Variants in IL7 observed in about 807,000 individuals in gnomAD.
The protein encoded by IL7 is interleukin-7.
Under a neutral mutation model 21.6 loss-of-function variants are expected in IL7, and 3 were observed. The observed-to-expected ratio is 0.14, with a 90% CI of 0.06 to 0.36. The LOEUF (loss-of-function observed/expected upper bound fraction) is 0.36. IL7 is among the 10% of genes least tolerant of loss of function. The pLI is 1.00. For synonymous variants in IL7, 62 were observed against 68.1 expected (o/e 0.91, Z 0.44); for missense variants, 175 against 200.2 (o/e 0.87, Z 0.76).
At chr8:78,715,435 A>AT (rs565716971), downstream of IL7, 329 of 1,047,508 alleles carry the variant, frequency 3.1e-4, no homozygotes, top group Non-Finnish European at 4.0e-4. Flanking sequence ...AGAAAACCTG[A>AT]TTTTTTTCTT....
At chr8:78,680,818 T>C (rs1055404010) in intron 4 of IL7, among the ~76,000 whole-genome samples, 13 of 152,188 alleles carry the variant, frequency 8.5e-5, no homozygotes, top group African/African-American at 3.1e-4. Context: ...AAGTGATTCC[T>C]TAAAGGTGAG....
intron 3 of IL7, among the ~76,000 whole-genome samples, chr8:78,695,219 A>G (rs1384282014): frequency 6.6e-6 from 1 of 152,226 alleles, no homozygotes; most frequent in African/African-American, 2.4e-5. Context: ...GGTTCTGAAT[A>G]GCTCAGAAAA....
chr8:78,760,651 A>G (rs1812521998), intron 2 of IL7: 2 of 1,590,618 alleles, frequency 1.3e-6, no homozygotes, highest in Non-Finnish European at 1.7e-6. Context: ...CTGAGAATAT[A>G]TCTTTAAGTT....
rs562663074 is a variant in IL7 at position 78,679,531 on chromosome 8, T to A, written n.274-3427A>T. On this transcript the variant is annotated intron_variant and non_coding_transcript_variant, in intron 4 of 4. Coordinates refer to the IL7 transcript ENST00000523959. ...TTTCCTGAAAGTTTCTGATTCATGG[T>A]TGACTGAATCCATGGATGCACAAGC... 5.3e-5 allele frequency: 8 copies of A among 152,252 alleles called. No individual in the cohort carries two copies. The South Asian group carries it at 1.7e-3, about 32-fold the overall frequency. The allele number at this position is 152,252 out of a possible 1,614,324, so 9.4% of individuals were successfully genotyped here.
chr8:78,779,248 C>T (rs1420714658), intron 2 of IL7, among the ~76,000 whole-genome samples: 1 of 152,114 alleles, frequency 6.6e-6, no homozygotes, highest in Non-Finnish European at 1.5e-5. Flanking sequence ...TGCCTGATTG[C>T]CCTGGCCAGA....
intron 4 of IL7, among the ~76,000 whole-genome samples, chr8:78,679,911 C>T (rs183167527): frequency 3.9e-5 from 6 of 152,194 alleles, no homozygotes; most frequent in East Asian, 3.9e-4. Context: ...TACCTGCTGC[C>T]TATATTAGCT....
At chr8:78,766,668 T>A (rs982623043) in intron 2 of IL7, among the ~76,000 whole-genome samples, 2 of 152,162 alleles carry the variant, frequency 1.3e-5, no homozygotes, top group Non-Finnish European at 2.9e-5. Context: ...TATAACTGCG[T>A]AATATTCCAC....
rs1302327157 is a variant in IL7, at chr8:78,800,429, CT to C, written c.11-2222del. Among the ~76,000 whole-genome samples, 4 of 152,164 alleles carry C rather than the reference CT, an allele frequency of 2.6e-5. No homozygotes were observed. In the East Asian group the frequency reaches 7.7e-4, roughly 29 times the overall value. ...CCTCCTACCTCAGCGTTCTGAGTAG[CT>C]AGGACTACAGGGTGCCCCACCATGC... On this transcript the variant is annotated intron_variant, in intron 1 of 5. Transcript: ENST00000263851.
chr8:78,713,999 G>A (rs1011273694), downstream of IL7, among the ~76,000 whole-genome samples: 1 of 152,038 alleles, frequency 6.6e-6, no homozygotes, highest in Non-Finnish European at 1.5e-5. Flanking sequence ...CAATTTTAGG[G>A]TACTCTCTCC....
At chr8:78,706,949 A>G (rs1029948353) in intron 3 of IL7, among the ~76,000 whole-genome samples, 2 of 152,226 alleles carry the variant, frequency 1.3e-5, no homozygotes, top group Non-Finnish European at 2.9e-5. Flanking sequence ...TCCAAAAACA[A>G]GAGACAGGCT....
intron 2 of IL7, among the ~76,000 whole-genome samples, chr8:78,754,163 C>G (rs997547313): frequency 6.6e-6 from 1 of 152,144 alleles, no homozygotes; most frequent in East Asian, 1.9e-4. Flanking sequence ...CGTCTCAGCC[C>G]CAAAACTCCT....
At chr8:78,776,053 C>A (rs964191178) in intron 2 of IL7, among the ~76,000 whole-genome samples, 3 of 151,988 alleles carry the variant, frequency 2.0e-5, no homozygotes, top group African/African-American at 7.2e-5. Flanking sequence ...GCATACATAC[C>A]AATGATAAAA....
intron 2 of IL7, among the ~76,000 whole-genome samples, chr8:78,786,721 C>T (rs754530971): frequency 6.6e-6 from 1 of 152,136 alleles, no homozygotes; most frequent in Non-Finnish European, 1.5e-5. Context: ...GTCCCAGATT[C>T]CTGACACACA....
At chr8:78,746,683 A>C (rs796469127) in intron 2 of IL7, among the ~76,000 whole-genome samples, 25 of 152,340 alleles carry the variant, frequency 1.6e-4, no homozygotes, top group African/African-American at 5.5e-4. Flanking sequence ...AGAATGAAAC[A>C]CATGGAGGTA....
intron 2 of IL7, among the ~76,000 whole-genome samples, chr8:78,783,456 T>C (rs959922644): frequency 6.6e-6 from 1 of 151,978 alleles, no homozygotes; most frequent in Non-Finnish European, 1.5e-5. Context: ...CTGGATACCT[T>C]AGTTGCCAGC....
At chr8:78,736,182 G>A (rs1811589552) in intron 5 of IL7, among the ~76,000 whole-genome samples, 1 of 147,302 alleles carries the variant, frequency 6.8e-6, no homozygotes, top group African/African-American at 2.5e-5. Flanking sequence ...TAAATTATTT[G>A]TTCATTTCTT....
chr8:78,684,473 G>A (rs1414881702), intron 4 of IL7, among the ~76,000 whole-genome samples: 1 of 152,160 alleles, frequency 6.6e-6, no homozygotes, highest in East Asian at 1.9e-4. Flanking sequence ...CTCCTACCGA[G>A]TACCCCCATA....
At chr8:78,778,655 T>C (rs1345143058) in intron 2 of IL7, among the ~76,000 whole-genome samples, 1 of 152,048 alleles carries the variant, frequency 6.6e-6, no homozygotes, top group Non-Finnish European at 1.5e-5. Context: ...CCTTGTAGAA[T>C]GTAGTTTGAA....
intron 3 of IL7, among the ~76,000 whole-genome samples, chr8:78,725,691 A>T (rs1811327581): frequency 6.6e-6 from 1 of 152,022 alleles, no homozygotes; most frequent in African/African-American, 2.4e-5. Context: ...CATCTTCCTT[A>T]ACCCAATCGT....
Sources: gnomAD v4.1 joint callset for allele counts (sites outside exome capture counted in the v4.1 genomes callset) on GRCh38, gnomAD v4.1.1 for gene constraint, MANE v1.5 for transcripts, NCBI Gene and HGNC (gene_info 2026-07-23, HGNC 2026-07-21) for gene names.